Variants in ITGA2B observed in about 807,000 individuals in gnomAD.
ITGA2B encodes integrin subunit alpha 2b, also known as integrin alpha-IIb.
In ITGA2B, 91 loss-of-function variants were observed where a neutral mutation model predicts 142.0. The ratio of observed to expected loss-of-function variants is 0.64; its 90% CI spans 0.54 to 0.76. The LOEUF is 0.76. Among genes scored for constraint, ITGA2B ranks in the 30% least tolerant of loss-of-function variants. The pLI, the probability that ITGA2B is intolerant of heterozygous loss-of-function variation, is 0.00. For synonymous variants in ITGA2B, 536 were observed against 567.2 expected, an observed-to-expected ratio of 0.94 and a Z score of 0.78; for missense variants, 1,231 against 1,350.8, an observed-to-expected ratio of 0.91 and a Z score of 1.39.
chr17:44,374,728 G>C lies in ITGA2B; in HGVS notation c.2874C>G (p.His958Gln), dbSNP rs766170880. The C allele has an allele frequency of 2.5e-6, 4 of 1,614,084 alleles. No homozygotes were observed. The highest frequency in any genetic ancestry group is 1.3e-5 in the African/African-American group (1 of 75,040). ...RPLDQFVLQS[H>Q]AWFNVSSLPY... ...GGAGGGAGGACACGTTGAACCATGC[G>C]TGCGACTGCAGCACAAACTGATCCA... Residue 958 changes from histidine (H) to glutamine (Q), a missense_variant, in exon 28 of 30, where the codon CAC becomes CAG. This residue lies in a region of ITGA2B where 908 missense variants were observed against 1,021.1 expected (regional missense o/e 0.89). Transcript: ENST00000262407.
chr17:44,373,337 C>T (rs1358508307), intron 29 of ITGA2B, among the ~76,000 whole-genome samples: 2 of 152,124 alleles, frequency 1.3e-5, no homozygotes, highest in East Asian at 3.9e-4. Context: ...GGGGTTTCAC[C>T]ATGTTTGTCA....
intron 26 of ITGA2B, chr17:44,375,323 A>G (rs2048531356): frequency 1.6e-6 from 1 of 642,756 alleles, no homozygotes; most frequent in South Asian, 1.8e-5. Flanking sequence ...GTCATCCCCC[A>G]GCGCACAATG....
Position 44,386,147 on chromosome 17 carries a change from G to A in ITGA2B, c.189-16C>T. ...GATGGCCACTCTGCATAGGAAAGCT[G>A]GGTGAGCGCCGCGCAGATTCCAGCG... On this transcript the variant is annotated splice_polypyrimidine_tract_variant and intron_variant, in intron 1 of 29. Transcript: ENST00000262407. 1 of 1,580,904 alleles carries A rather than the reference G, an allele frequency of 6.3e-7. No individual in the cohort carries two copies. Among genetic ancestry groups the A allele is most frequent in the Non-Finnish European group, 8.6e-7 (1 of 1,166,548 alleles).
At chr17:44,372,670 C>T (rs932948513) in intron 29 of ITGA2B, among the ~76,000 whole-genome samples, 8 of 152,064 alleles carry the variant, frequency 5.3e-5, no homozygotes, top group Non-Finnish European at 8.8e-5. Flanking sequence ...ACTCTGTCAC[C>T]CAGGCTGTAG....
chr17:44,389,360 C>T lies in ITGA2B; in HGVS notation c.114G>A (p.Gln38=), dbSNP rs749643156. ...CATTGGGGCCTGCATAGAAGGTGAG[C>T]TGCACTGGGTCCAGGTTCAAGGCCC... ...PAWALNLDPV[Q]LTFYAGPNGS... The change falls in exon 1 of 30, where the codon CAG becomes CAA. Residue 38 remains glutamine, a synonymous_variant. Coordinates refer to ENST00000262407, the MANE Select transcript of ITGA2B (RefSeq NM_000419.5). The T allele has an allele frequency of 6.2e-7, 1 of 1,614,194 alleles. No individual in the cohort carries two copies. Among genetic ancestry groups the T allele is most frequent in the Non-Finnish European group, 8.5e-7 (1 of 1,180,032 alleles).
chr17:44,376,422 G>C, intron 22 of ITGA2B, 34 bp from the exon 23 acceptor site: 1 of 1,606,000 alleles, frequency 6.2e-7, no homozygotes, highest in Non-Finnish European at 8.5e-7. Context: ...AACAGGGCCA[G>C]GGACACCAGC....
chr17:44,380,752 A>G, intron 13 of ITGA2B, 107 bp from the exon 14 acceptor site: 1 of 1,590,360 alleles, frequency 6.3e-7, no homozygotes, highest in South Asian at 1.1e-5. Flanking sequence ...GGTTTCACCC[A>G]GCCCCTCTGG....
chr17:44,389,477 CCTT>C lies in ITGA2B; in HGVS notation c.-7_-5del. The stretch of plus-strand genomic sequence containing the variant: ...GTGGACACAAAGCTCTGGCCATCTT[CCTT>C]CTTCCACAACCTCCCAGGCAGGAAT... On this transcript the variant is annotated 5_prime_UTR_variant, in exon 1 of 30. Transcript: ENST00000262407. 6.2e-7 allele frequency: 1 copy of C among 1,613,066 alleles called. No individual in the cohort carries two copies. The highest frequency in any genetic ancestry group is 8.5e-7 in the Non-Finnish European group (1 of 1,179,934).
chr17:44,373,470 T>C (rs1013330157), intron 29 of ITGA2B, among the ~76,000 whole-genome samples: 1 of 152,212 alleles, frequency 6.6e-6, no homozygotes, highest in African/African-American at 2.4e-5. Flanking sequence ...TGTGTCTGCA[T>C]GACTCGAGCA....
In ITGA2B at chr17:44,385,095, C is replaced by G. The variant is rs756725310; in HGVS notation, c.671-19G>C. The G allele has an allele frequency of 8.7e-6, 14 of 1,613,868 alleles. No homozygotes were observed. The highest frequency in any genetic ancestry group is 1.7e-5 in the Admixed American group (1 of 60,002). ...AGGAGACCTAGGGCGGGAGGGACAG[C>G]GGGTGTGAAGCCCAAAGCGGTCTCC... On this transcript the variant is annotated intron_variant, in intron 6 of 29. Transcript: ENST00000262407.
At chr17:44,388,818 C>CTTTTTTTTTTTTTTTTT (rs758076614) in intron 1 of ITGA2B, among the ~76,000 whole-genome samples, 1 of 132,200 alleles carries the variant, frequency 7.6e-6, no homozygotes, top group African/African-American at 2.9e-5. Context: ...TGCCTGGTCT[C>CTTTTTTTTTTTTTTTTT]TTTTTTTTTT....
Position 44,389,444 on chromosome 17 carries a change from G to A in ITGA2B, c.30C>T (p.Ala10=), listed in dbSNP as rs946141164. The A allele has an allele frequency of 3.1e-6, 5 of 1,613,768 alleles. No individual in the cohort carries two copies. In the Admixed American group the frequency reaches 6.7e-5, roughly 22 times the overall value. Reference sequence around the variant, plus strand: ...GCAGCACCCACTCCAGAAGCCAGAGGGCTTGCAGTGGACACAAAGCTCTGG... The same window carrying A: ...GCAGCACCCACTCCAGAAGCCAGAGAGCTTGCAGTGGACACAAAGCTCTGG... MARALCPLQ[A]LWLLEWVLLL... is the part of the protein sequence containing the mutation. Residue 10 remains alanine, a synonymous_variant, in exon 1 of 30, where the codon GCC becomes GCT. Coordinates refer to ENST00000262407, the MANE Select transcript of ITGA2B (RefSeq NM_000419.5).
intron 28 of ITGA2B, 67 bp downstream of exon 28, chr17:44,374,592 G>A: frequency 1.3e-6 from 2 of 1,539,618 alleles, no homozygotes; most frequent in Non-Finnish European, 1.8e-6. Flanking sequence ...GACTTTTCTG[G>A]CTGGGCACTG....
chr17:44,374,783 C>T (rs1441776299), intron 27 of ITGA2B, 23 bp from the exon 28 acceptor site: 1 of 1,591,070 alleles, frequency 6.3e-7, no homozygotes, highest in South Asian at 1.1e-5. Context: ...GGGTTGAAAG[C>T]CGTTTACACC....
chr17:44,373,987 C>G, intron 29 of ITGA2B: 1 of 265,550 alleles, frequency 3.8e-6, no homozygotes, highest in South Asian at 4.0e-5. Flanking sequence ...CTCACTGCAA[C>G]CTCCGCCTCC....
intron 22 of ITGA2B, 42 bp from the exon 23 acceptor site, chr17:44,376,430 A>G (rs2048545343): frequency 6.3e-7 from 1 of 1,594,654 alleles, no homozygotes; most frequent in Non-Finnish European, 8.6e-7. Flanking sequence ...CAGGGACACC[A>G]GCCCAGTGAC....
At chr17:44,380,825 C>G in intron 13 of ITGA2B, 54 bp downstream of exon 13, 2 of 1,606,070 alleles carry the variant, frequency 1.2e-6, no homozygotes, top group Non-Finnish European at 1.7e-6. Flanking sequence ...GCACTTCCAG[C>G]GAATGTCCAA....
chr17:44,384,559 C>A lies in ITGA2B; in HGVS notation c.826G>T (p.Asp276Tyr). The A allele has an allele frequency of 6.2e-7, 1 of 1,614,062 alleles. No individual in the cohort carries two copies. The highest frequency in any genetic ancestry group is 8.5e-7 in the Non-Finnish European group (1 of 1,180,028). ...WGYSVAVGEF[D>Y]GDLNTTEYVV... ...TTGCCTGTAGTGTTGAGATCCCCGT[C>A]GAACTCGCCCACGGCCACCGAGTAC... The change falls in exon 8 of 30, where the codon GAC becomes TAC. Residue 276 changes from aspartate to tyrosine, a missense_variant. Asp to Tyr is a radical substitution (Grantham distance 160, BLOSUM62 -3). This residue lies in a region of ITGA2B where 908 missense variants were observed against 1,021.1 expected (regional missense o/e 0.89). Coordinates refer to ENST00000262407, the MANE Select transcript of ITGA2B (RefSeq NM_000419.5).
Position 44,378,692 on chromosome 17 carries a change from A to G in ITGA2B, c.1897T>C (p.Cys633Arg). Residue 633 changes from cysteine (C) to arginine (R), a missense_variant, in exon 19 of 30, where the codon TGT becomes CGT. Cys to Arg is a radical substitution (Grantham distance 180). Around this residue, in one of 3 missense-constraint regions of ITGA2B, gnomAD observed 908 missense variants for 1,021.1 expected, o/e 0.89. Transcript: ENST00000262407. ...GGCACACATACGTCATCTTCCCCAC[A>G]GTCCAGGACGATTCGTGTCTAGAGG... Reference protein sequence around the residue: ...VQEQTRIVLDCGEDDVCVPQL... With the variant: ...VQEQTRIVLDRGEDDVCVPQL... 1 of 1,558,116 alleles carries G rather than the reference A, an allele frequency of 6.4e-7. No individual in the cohort carries two copies. The highest frequency in any genetic ancestry group is 8.7e-7 in the Non-Finnish European group (1 of 1,150,238).
Sources: gnomAD v4.1 joint callset for allele counts (sites outside exome capture counted in the v4.1 genomes callset) on GRCh38, gnomAD v4.1.1 for gene constraint, gnomAD v4.1.1 regional missense constraint, MANE v1.5 for transcripts, NCBI Gene and HGNC (gene_info 2026-07-23, HGNC 2026-07-21) for gene names.